The following DSP variants were observed in gnomAD, a reference collection of about 807,000 sequenced individuals.
The protein encoded by DSP is desmoplakin.
A neutral mutation model predicts 290.6 loss-of-function variants in DSP; 114 were observed. The observed-to-expected ratio is 0.39, with a 90% CI of 0.34 to 0.46. The LOEUF is 0.46. Among genes scored for constraint, DSP ranks in the 20% least tolerant of loss-of-function variants. DSP has a pLI of 0.99. For synonymous variants in DSP, 1,311 were observed against 1,316.4 expected (o/e 1.00, Z 0.09); for missense variants, 3,230 against 3,495.8 (o/e 0.92, Z 1.92).
chr6:7,550,610 A>G (rs1181771611), intron 1 of DSP, among the ~76,000 whole-genome samples: 2 of 152,070 alleles, frequency 1.3e-5, no homozygotes, highest in Non-Finnish European at 2.9e-5. Flanking sequence ...TGTTTAAACA[A>G]GTTTTAGGAT....
rs1356916655 is a variant in DSP, at chr6:7,582,213, T to A, written c.5380-429T>A. Among the ~76,000 whole-genome samples the A allele has an allele frequency of 7.1e-6, 1 of 140,302 alleles. No homozygotes were observed. Among genetic ancestry groups the A allele is most frequent in the Non-Finnish European group, 1.5e-5 (1 of 65,240 alleles). The allele number at this position is 140,302 out of a possible 152,430, so 92.0% of individuals were successfully genotyped here. A position where few individuals can be genotyped will look rare whatever the true frequency, so the allele number is the denominator to read the frequency against. Reference sequence around the variant, plus strand: ...TAATTATATAATTACATAATATATATTTATCTATAATATATATTTTATATA... The same window carrying A: ...TAATTATATAATTACATAATATATAATTATCTATAATATATATTTTATATA... On this transcript the variant is annotated intron_variant, in intron 23 of 23. Transcript: ENST00000379802. The surrounding 1 kb of genome is among the most constrained non-coding windows in gnomAD (Gnocchi z 4.2).
intron 1 of DSP, among the ~76,000 whole-genome samples, chr6:7,544,833 G>A (rs1758125927): frequency 6.6e-6 from 1 of 152,018 alleles, no homozygotes; most frequent in Non-Finnish European, 1.5e-5. Flanking sequence ...GTTTTAGATT[G>A]AATGGAATCT....
intron 21 of DSP, among the ~76,000 whole-genome samples, 186 bp downstream of exon 21, chr6:7,578,072 C>T (rs563907123): frequency 4.6e-5 from 7 of 152,236 alleles, no homozygotes; most frequent in Non-Finnish European, 8.8e-5. Flanking sequence ...CAGTGTGAGT[C>T]ATTGATGTAT....
At chr6:7,569,464 A>G in intron 12 of DSP, 124 bp downstream of exon 12, 4 of 1,424,304 alleles carry the variant, frequency 2.8e-6, no homozygotes, top group Non-Finnish European at 3.9e-6. Context: ...ACCTTCTAAA[A>G]AAAGGAACCT....
intron 1 of DSP, among the ~76,000 whole-genome samples, chr6:7,553,401 T>C (rs538942105): frequency 6.6e-6 from 1 of 152,348 alleles, no homozygotes; most frequent in South Asian, 2.1e-4. Context: ...GGGAATCACC[T>C]TCGGAGCCAA....
intron 1 of DSP, 110 bp downstream of exon 1, chr6:7,542,195 G>C: frequency 6.9e-7 from 1 of 1,439,230 alleles, no homozygotes; most frequent in South Asian, 1.3e-5. Context: ...AGGTTTTTTT[G>C]CCCCAGGTCC....
intron 6 of DSP, 149 bp downstream of exon 6, chr6:7,563,935 T>C (rs1758782033): frequency 1.3e-6 from 1 of 757,256 alleles, no homozygotes; most frequent in Non-Finnish European, 2.3e-6. Context: ...AGAAGTGAAT[T>C]TTAAAAGTTG....
In DSP at chr6:7,565,363, C is replaced by G; in HGVS notation, c.782C>G (p.Ala261Gly). The change falls in exon 7 of 24, where the codon GCG (alanine) becomes GGG (glycine). Residue 261 changes from alanine (A) to glycine (G), a missense_variant. Coordinates refer to ENST00000379802, the MANE Select transcript of DSP (RefSeq NM_004415.4). This position sits in a 1 kb window ranked among gnomAD's most constrained non-coding sequence, Gnocchi z 4.2. ...GCCTTTGAACCTCCTGTGCAGAAAGCGTCCTTTGAGAGGATGGATCACCTG... is the reference window on the plus strand; with the variant it reads ...GCCTTTGAACCTCCTGTGCAGAAAGGGTCCTTTGAGAGGATGGATCACCTG... ...LEEEYENLLK[A>G]SFERMDHLRQ... is the part of the protein sequence containing the mutation. 1 of 1,613,988 alleles carries G rather than the reference C, an allele frequency of 6.2e-7. No individual in the cohort carries two copies. Among genetic ancestry groups the G allele is most frequent in the African/African-American group, 1.3e-5 (1 of 75,008 alleles).
intron 1 of DSP, among the ~76,000 whole-genome samples, chr6:7,546,014 C>A (rs1424987447): frequency 6.6e-6 from 1 of 152,164 alleles, no homozygotes; most frequent in Non-Finnish European, 1.5e-5. Context: ...GAAGCTGGTG[C>A]AGGTTTTCAC....
Position 7,585,194 on chromosome 6 carries a change from C to G in DSP, c.7932C>G (p.Ser2644Arg). ...TEGIERGIVD[S>R]ITGQRLLEAQ... ...GTATAGAGCGGGGCATCGTTGACAGCATCACGGGTCAGAGGCTTCTGGAGG... is the reference window on the plus strand; with the variant it reads ...GTATAGAGCGGGGCATCGTTGACAGGATCACGGGTCAGAGGCTTCTGGAGG... The change falls in exon 24 of 24, where the codon AGC becomes AGG. Residue 2644 changes from serine to arginine, a missense_variant. By Grantham distance (110) the Ser-to-Arg change is moderately radical (BLOSUM62 -1). Transcript: ENST00000379802. 6.2e-7 allele frequency: 1 copy of G among 1,614,140 alleles called. No homozygotes were observed.
chr6:7,561,338 A>G (rs1758685779), intron 4 of DSP, among the ~76,000 whole-genome samples: 1 of 152,112 alleles, frequency 6.6e-6, no homozygotes, highest in African/African-American at 2.4e-5. Flanking sequence ...AAACAAACTA[A>G]AAGCTGTTTG....
At chr6:7,555,540 A>G (rs1230481736) in intron 1 of DSP, among the ~76,000 whole-genome samples, 178 bp from the exon 2 acceptor site, 1 of 152,216 alleles carries the variant, frequency 6.6e-6, no homozygotes, top group East Asian at 1.9e-4. Context: ...ACACACATCT[A>G]TGGAGAGGGG....
Position 7,554,082 on chromosome 6 carries a change from A to AACACACACACACACACACACACACAC in DSP, c.171-1617_171-1592dup, listed in dbSNP as rs10658102. On this transcript the variant is annotated intron_variant, in intron 1 of 23. Coordinates refer to ENST00000379802, the MANE Select transcript of DSP (RefSeq NM_004415.4). ...TTAAACAGTGAAATTCTTTCTTTAA[A>AACACACACACACACACACACACACAC]ACACACACACACACACACACACACA... Among the ~76,000 whole-genome samples, 450 of 115,896 alleles carry AACACACACACACACACACACACACAC rather than the reference A, an allele frequency of 3.9e-3. 11 individuals carry two copies. Among genetic ancestry groups the AACACACACACACACACACACACACAC allele is most frequent in the East Asian group, 7.2e-3 (27 of 3,736 alleles). The allele number at this position is 115,896 out of a possible 152,430, so 76.0% of individuals were successfully genotyped here.
rs577704804 is a variant in DSP, at chr6:7,557,541, G to A, written c.274-575G>A. Among the ~76,000 whole-genome samples, 37 of 152,260 alleles carry A rather than the reference G, an allele frequency of 2.4e-4. 1 individual carries two copies. The highest frequency in any genetic ancestry group is 5.2e-4 in the Admixed American group (8 of 15,306). Reference sequence around the variant, plus strand: ...TTAAAAATACAAAAATTAGCCTGGCGTGGTGGCACATGCCTGTAGTCTCAG... The same window carrying A: ...TTAAAAATACAAAAATTAGCCTGGCATGGTGGCACATGCCTGTAGTCTCAG... On this transcript the variant is annotated intron_variant, in intron 2 of 23. Coordinates refer to ENST00000379802, the MANE Select transcript of DSP (RefSeq NM_004415.4).
rs746036365 is a variant in DSP at position 7,575,426 on chromosome 6, C to T, written c.2568C>T (p.Phe856=). Residue 856 remains phenylalanine (F), a synonymous_variant, in exon 18 of 24, where the codon TTC becomes TTT. Transcript: ENST00000379802. ...YPLYDLDLGK[F]GEKVTQLTDR... is the part of the protein sequence containing the mutation. ...TTTATGATCTGGACTTGGGCAAGTT[C>T]GGTGAAAAAGTCACACAGCTGACAG... 4.0e-5 allele frequency: 65 copies of T among 1,613,978 alleles called. No homozygotes were observed. The highest frequency in any genetic ancestry group is 2.6e-4 in the South Asian group (24 of 91,078).
chr6:7,559,067 G>T (rs867770360), intron 3 of DSP, among the ~76,000 whole-genome samples, 159 bp from the exon 4 acceptor site: 3 of 151,858 alleles, frequency 2.0e-5, no homozygotes, highest in Non-Finnish European at 2.9e-5. Flanking sequence ...ATGTGATTAA[G>T]ACTTAAGTCC....
At chr6:7,577,575 G>A (rs1025675925) in intron 20 of DSP, among the ~76,000 whole-genome samples, 5 of 152,106 alleles carry the variant, frequency 3.3e-5, no homozygotes, top group African/African-American at 1.2e-4. Context: ...GGATCTGCCC[G>A]GCTCGGCCTC....
chr6:7,568,662 A>T, intron 11 of DSP, 73 bp downstream of exon 11: 1 of 1,527,682 alleles, frequency 6.5e-7, no homozygotes, highest in Non-Finnish European at 9.0e-7. Context: ...TCAAGAAAGC[A>T]ACATTTAATC....
At chr6:7,577,123 T>C in intron 20 of DSP, 81 bp downstream of exon 20, 1 of 1,077,546 alleles carries the variant, frequency 9.3e-7, no homozygotes, top group African/African-American at 1.6e-5. Context: ...TTGTAAAGCG[T>C]ATACACTTCC....
Sources: allele counts gnomAD v4.1 joint callset (sites outside exome capture counted in the v4.1 genomes callset), GRCh38; gene constraint gnomAD v4.1.1; non-coding constraint Gnocchi (gnomAD v3.1); transcripts MANE v1.5; gene names NCBI Gene and HGNC (gene_info 2026-07-23, HGNC 2026-07-21).